The following CPAMD8 variants were observed in gnomAD, a reference collection of about 807,000 sequenced individuals.
CPAMD8 encodes the protein C3 and PZP-like alpha-2-macroglobulin domain-containing protein 8.
CPAMD8 carries 146 observed loss-of-function variants against 224.7 expected under a neutral mutation model. That is an observed-to-expected ratio of 0.65 (90% CI 0.57 to 0.75). The LOEUF (loss-of-function observed/expected upper bound fraction) is 0.75, where lower values mean the gene tolerates loss of function less well. Ranked by LOEUF, CPAMD8 falls within the 30% of genes least tolerant of loss-of-function variation. The pLI, the probability that CPAMD8 is intolerant of heterozygous loss-of-function variation, is 0.00. For synonymous variants in CPAMD8, 966 were observed against 1,044.6 expected (o/e 0.92, Z 1.45); for missense variants, 2,301 against 2,537.5 (o/e 0.91, Z 2.00).
intron 3 of CPAMD8, among the ~76,000 whole-genome samples, chr19:17,015,879 G>C (rs62126011): frequency 0.069 from 10,440 of 152,248 alleles, 395 homozygotes; most frequent in Middle Eastern, 0.086. Flanking sequence ...GCAGCCCCTA[G>C]AGCTTCACAC....
intron 1 of CPAMD8, among the ~76,000 whole-genome samples, chr19:17,025,743 G>C (rs919114339): frequency 1.3e-5 from 2 of 152,182 alleles, no homozygotes; most frequent in African/African-American, 2.4e-5. Flanking sequence ...ATGAAAATTT[G>C]TAGGGTTCCG....
chr19:16,978,164 T>C (rs550307784), intron 14 of CPAMD8, among the ~76,000 whole-genome samples: 9 of 152,134 alleles, frequency 5.9e-5, no homozygotes, highest in Non-Finnish European at 1.2e-4. Flanking sequence ...GAGCAGCCAG[T>C]GGACAGGGAT....
intron 7 of CPAMD8, 58 bp downstream of exon 7, chr19:17,008,447 G>C (rs543789353): frequency 6.3e-7 from 1 of 1,595,670 alleles, no homozygotes. Flanking sequence ...AGCATATTCT[G>C]TTTTCCTGGA....
intron 19 of CPAMD8, among the ~76,000 whole-genome samples, chr19:16,953,868 A>C (rs1409264644): frequency 6.6e-6 from 1 of 152,194 alleles, no homozygotes; most frequent in Non-Finnish European, 1.5e-5. Flanking sequence ...TGATAAATAC[A>C]TGAAAGATGC....
At chr19:16,916,693 C>T (rs892256487) in intron 27 of CPAMD8, among the ~76,000 whole-genome samples, 4 of 152,014 alleles carry the variant, frequency 2.6e-5, no homozygotes, top group Non-Finnish European at 5.9e-5. Context: ...GACCTGAGAT[C>T]GCACCACTGC....
At chr19:16,914,386 C>T (rs756708559) in intron 29 of CPAMD8, 38 bp downstream of exon 29, 4 of 1,581,652 alleles carry the variant, frequency 2.5e-6, no homozygotes, top group Non-Finnish European at 3.5e-6. Context: ...TCCTCCAGTG[C>T]CCAGCCCCGA....
intron 7 of CPAMD8, among the ~76,000 whole-genome samples, chr19:17,006,739 G>A (rs890735548): frequency 4.6e-5 from 7 of 151,864 alleles, no homozygotes; most frequent in African/African-American, 4.8e-5. Flanking sequence ...GCTGTCCCCC[G>A]TTCCTTCTTT....
chr19:16,948,003 T>C (rs6512146), intron 20 of CPAMD8, among the ~76,000 whole-genome samples: 135,646 of 152,250 alleles, frequency 0.89, 60,589 homozygotes, highest in African/African-American at 0.95. Context: ...TATACCATGA[T>C]GACTTGTGTG....
chr19:16,905,546 A>C lies in CPAMD8; in HGVS notation c.4028-994T>G, dbSNP rs1398525575. Among the ~76,000 whole-genome samples, 3 of 145,620 alleles carry C rather than the reference A, an allele frequency of 2.1e-5. No homozygotes were observed. The East Asian group carries it at 5.9e-4, about 28-fold the overall frequency. On this transcript the variant is annotated intron_variant, in intron 30 of 41. Coordinates refer to ENST00000443236, the MANE Select transcript of CPAMD8 (RefSeq NM_015692.5). ...CAAGAGCGAAACTCCGTTTCAAAAA[A>C]AAAAAAAAAAAAAGGAAGAAAAGAA...
intron 2 of CPAMD8, among the ~76,000 whole-genome samples, chr19:17,021,758 GT>G (rs1386283396): frequency 5.9e-5 from 9 of 152,206 alleles, no homozygotes; most frequent in Non-Finnish European, 7.3e-5. Flanking sequence ...GCTGACACAG[GT>G]GGGTGCCCGT....
At chr19:16,942,509 T>C (rs1031884519) in intron 22 of CPAMD8, among the ~76,000 whole-genome samples, 3 of 152,096 alleles carry the variant, frequency 2.0e-5, no homozygotes, top group African/African-American at 7.2e-5. Context: ...TAACCCAGTC[T>C]CAGGTATTTC....
At chr19:16,901,849 G>A (rs970061974) in intron 35 of CPAMD8, among the ~76,000 whole-genome samples, 4 of 152,126 alleles carry the variant, frequency 2.6e-5, no homozygotes, top group Non-Finnish European at 4.4e-5. Context: ...TTGCAGCTGC[G>A]GGGAGTGCAC....
chr19:16,990,924 A>G (rs1422535333), intron 12 of CPAMD8, among the ~76,000 whole-genome samples: 1 of 148,946 alleles, frequency 6.7e-6, no homozygotes, highest in Admixed American at 6.8e-5. Context: ...GCTCCTGGGA[A>G]GTAGGTAGAC....
At chr19:17,014,980 G>A (rs900909354) in intron 3 of CPAMD8, among the ~76,000 whole-genome samples, 3 of 152,224 alleles carry the variant, frequency 2.0e-5, no homozygotes, top group Admixed American at 6.5e-5. Flanking sequence ...AGTGGCTCAC[G>A]CCTGTCATCC....
At chr19:16,904,176 A>AGGGCCCCCCCCCCCCCCCCCCC in intron 32 of CPAMD8, 50 bp downstream of exon 32, 5 of 937,332 alleles carry the variant, frequency 5.3e-6, no homozygotes, top group Non-Finnish European at 6.7e-6. Flanking sequence ...GACTGCAGGG[A>AGGGCCCCCCCCCCCCCCCCCCC]CCCCACCCAC....
intron 18 of CPAMD8, among the ~76,000 whole-genome samples, chr19:16,962,413 G>T (rs566452077): frequency 6.6e-6 from 1 of 152,156 alleles, no homozygotes; most frequent in African/African-American, 2.4e-5. Flanking sequence ...TTCAATAGCC[G>T]ATTCGATCAA....
chr19:16,989,847 C>T (rs750517304), intron 12 of CPAMD8, 76 bp from the exon 13 acceptor site: 12 of 1,421,312 alleles, frequency 8.4e-6, no homozygotes, highest in Non-Finnish European at 1.2e-5. Context: ...CTTCTGCTTG[C>T]TCTGCCCAGA....
intron 12 of CPAMD8, among the ~76,000 whole-genome samples, chr19:16,990,892 A>AAAAAAAAAAAAAAATG (rs2055925344): frequency 7.0e-6 from 1 of 142,552 alleles, no homozygotes; most frequent in African/African-American, 2.6e-5. Flanking sequence ...AAAAAAAAAA[A>AAAAAAAAAAAAAAATG]GTTGGCCTGC....
chr19:16,914,065 G>A (rs1202594521), intron 29 of CPAMD8, among the ~76,000 whole-genome samples: 2 of 152,024 alleles, frequency 1.3e-5, no homozygotes, highest in Non-Finnish European at 2.9e-5. Context: ...ATTTTGTAGG[G>A]TTCCCTGAAG....
Sources: allele counts gnomAD v4.1 joint callset (sites outside exome capture counted in the v4.1 genomes callset), GRCh38; gene constraint gnomAD v4.1.1; transcripts MANE v1.5; gene names NCBI Gene and HGNC (gene_info 2026-07-23, HGNC 2026-07-21).